The following PCDHGA8 variants were observed in gnomAD, a reference collection of about 807,000 sequenced individuals.
PCDHGA8 encodes protocadherin gamma-A8.
In PCDHGA8, 45 loss-of-function variants were observed where a neutral mutation model predicts 59.2. That is an observed-to-expected ratio of 0.76 (90% CI 0.60 to 0.98). The LOEUF (loss-of-function observed/expected upper bound fraction) is 0.98. Among genes scored for constraint, PCDHGA8 ranks in the 50% least tolerant of loss-of-function variants. PCDHGA8 has a pLI of 0.00. For missense variants in PCDHGA8, 1,257 were observed against 1,196.2 expected (o/e 1.05, Z -0.75); for synonymous variants, 531 against 519.0 (o/e 1.02, Z -0.32).
chr5:141,506,277 T>C (rs905595521), intron 3 of PCDHGA8, among the ~76,000 whole-genome samples: 1 of 152,050 alleles, frequency 6.6e-6, no homozygotes. Flanking sequence ...AGTGAAACCC[T>C]GTCTCTACTA....
intron 1 of PCDHGA8, chr5:141,396,003 T>G (rs749303972): frequency 2.0e-5 from 3 of 152,232 alleles, no homozygotes; most frequent in Admixed American, 6.5e-5. Flanking sequence ...TTTAAACTGT[T>G]GAAAGTGACT....
Position 141,491,930 on chromosome 5 carries a change from G to A in PCDHGA8, c.2425-2877G>A, listed in dbSNP as rs2099735399. On this transcript the variant is annotated intron_variant, in intron 1 of 3. Transcript: ENST00000398604. The surrounding 1 kb of genome is among the most constrained non-coding windows in gnomAD (Gnocchi z 6.9). ...GTGGCGACTGTGGGCGAGGGGAGGT[G>A]GGACCGACCCCCACCCCTACACTCA... 1.6e-6 allele frequency: 2 copies of A among 1,276,580 alleles called. No homozygotes were observed. The highest frequency in any genetic ancestry group is 2.1e-6 in the Non-Finnish European group (2 of 943,112). 79.1% of individuals were successfully genotyped at this position (1,276,580 alleles called of 1,614,324 possible).
chr5:141,403,429 T>C (rs1282528901), intron 1 of PCDHGA8: 2 of 1,614,006 alleles, frequency 1.2e-6, no homozygotes, highest in Non-Finnish European at 1.7e-6. Flanking sequence ...AAGCTATTGA[T>C]CCGGATGTTG....
chr5:141,405,698 G>C (rs1274236930), intron 1 of PCDHGA8, among the ~76,000 whole-genome samples: 1 of 152,128 alleles, frequency 6.6e-6, no homozygotes, highest in Non-Finnish European at 1.5e-5. Flanking sequence ...GGCTGGTCTT[G>C]AATTCCTAAC....
At chr5:141,401,417 G>A (rs1404967672) in intron 1 of PCDHGA8, among the ~76,000 whole-genome samples, 1 of 152,136 alleles carries the variant, frequency 6.6e-6, no homozygotes, top group Non-Finnish European at 1.5e-5. Flanking sequence ...GAAAGAGAGA[G>A]ACTGATTCAC....
chr5:141,447,119 A>AT (rs2098526425), intron 1 of PCDHGA8, among the ~76,000 whole-genome samples: 1 of 150,848 alleles, frequency 6.6e-6, no homozygotes, highest in South Asian at 2.1e-4. Flanking sequence ...TGCTCCATGG[A>AT]TTTTTTTGTT....
chr5:141,394,865 G>T lies in PCDHGA8; in HGVS notation c.2052G>T (p.Pro684=), dbSNP rs2093117021. The T allele has an allele frequency of 6.2e-7, 1 of 1,613,816 alleles. No homozygotes were observed. Among genetic ancestry groups the T allele is most frequent in the Non-Finnish European group, 8.5e-7 (1 of 1,179,900 alleles). The change falls in exon 1 of 4, where the codon CCG becomes CCT. Residue 684 remains proline, a synonymous_variant. Coordinates refer to ENST00000398604, the MANE Select transcript of PCDHGA8 (RefSeq NM_032088.2). ...ELGSLKPSVD[P]NDSSLTLYLV... ...GCAGTCTGAAGCCTTCGGTCGACCC[G>T]AACGATTCGAGCCTTACACTCTATC...
chr5:141,404,592 C>T, intron 1 of PCDHGA8: 1 of 1,614,048 alleles, frequency 6.2e-7, no homozygotes, highest in African/African-American at 1.3e-5. Flanking sequence ...AGCAATGTGT[C>T]ATTGAGACTG....
intron 1 of PCDHGA8, among the ~76,000 whole-genome samples, chr5:141,473,390 A>T (rs554428702): frequency 1.3e-5 from 2 of 152,190 alleles, no homozygotes; most frequent in Non-Finnish European, 2.9e-5. Flanking sequence ...GCCCTCCTGG[A>T]GCTTCTTTTT....
At chr5:141,458,987 C>A (rs2098958554) in intron 1 of PCDHGA8, among the ~76,000 whole-genome samples, 1 of 152,168 alleles carries the variant, frequency 6.6e-6, no homozygotes, top group Non-Finnish European at 1.5e-5. Context: ...CCTGCCTCAC[C>A]CTCCCAAAGT....
At chr5:141,474,847 GC>G (rs1357496937) in intron 1 of PCDHGA8, among the ~76,000 whole-genome samples, 1 of 152,198 alleles carries the variant, frequency 6.6e-6, no homozygotes, top group East Asian at 1.9e-4. Context: ...CACTTTACCT[GC>G]CTTCTTCATT....
In PCDHGA8 at chr5:141,433,028, G is replaced by T. The variant is rs539293579; in HGVS notation, c.2424+37791G>T. 27 of 1,614,116 alleles carry T rather than the reference G, an allele frequency of 1.7e-5. No individual in the cohort carries two copies. The highest frequency in any genetic ancestry group is 6.7e-5 in the Admixed American group (4 of 60,018). On this transcript the variant is annotated intron_variant, in intron 1 of 3. Coordinates refer to ENST00000398604, the MANE Select transcript of PCDHGA8 (RefSeq NM_032088.2). ...TTTCCTGCAGACCTATTCCCACGAG[G>T]TTTCCCTCACCACGGACTCGCGGAA...
rs376721940 is a variant in PCDHGA8, at chr5:141,410,147, G to A, written c.2424+14910G>A. 18 of 1,612,952 alleles carry A rather than the reference G, an allele frequency of 1.1e-5. No homozygotes were observed. The East Asian group carries it at 3.6e-4, about 32-fold the overall frequency. ...GCGCCTGCTGGTCGCTGTGCGTGAC[G>A]GTGGACAGCCGCCACTCTCTGCCAC... On this transcript the variant is annotated intron_variant, in intron 1 of 3. Transcript: ENST00000398604.
chr5:141,464,913 A>AT (rs1366203949), intron 1 of PCDHGA8, among the ~76,000 whole-genome samples: 2 of 151,546 alleles, frequency 1.3e-5, no homozygotes, highest in South Asian at 4.2e-4. Flanking sequence ...TAATTTTTTT[A>AT]TTTTTTTGTA....
Position 141,413,494 on chromosome 5 carries a change from G to T in PCDHGA8, c.2424+18257G>T, listed in dbSNP as rs778441176. On this transcript the variant is annotated intron_variant, in intron 1 of 3. Transcript: ENST00000398604. ...GCTCTGCGCTCAGAGCGCGCGGTGCGTGGTGAGTTTTAATATCCTTGTGGA... is the reference window on the plus strand; with the variant it reads ...GCTCTGCGCTCAGAGCGCGCGGTGCTTGGTGAGTTTTAATATCCTTGTGGA... The T allele has an allele frequency of 5.0e-6, 8 of 1,614,042 alleles. No individual in the cohort carries two copies. The East Asian group carries it at 1.3e-4, about 27-fold the overall frequency.
chr5:141,464,144 A>G (rs1305530394), intron 1 of PCDHGA8, among the ~76,000 whole-genome samples: 1 of 152,030 alleles, frequency 6.6e-6, no homozygotes, highest in South Asian at 2.1e-4. Context: ...GGGCGCCTGT[A>G]GTCCCAGCTA....
Position 141,394,262 on chromosome 5 carries a change from G to A in PCDHGA8, c.1449G>A (p.Glu483=). Residue 483 remains glutamate, a synonymous_variant, in exon 1 of 4, where the codon GAG becomes GAA. Transcript: ENST00000398604. ...SLTAHDPDSQ[E]NAQVTYSVTE... ...CTGCACACGACCCCGACAGCCAGGAGAATGCCCAGGTCACTTACTCTGTGA... is the reference window on the plus strand; with the variant it reads ...CTGCACACGACCCCGACAGCCAGGAAAATGCCCAGGTCACTTACTCTGTGA... 6.2e-7 allele frequency: 1 copy of A among 1,613,952 alleles called. No individual in the cohort carries two copies. The highest frequency in any genetic ancestry group is 8.5e-7 in the Non-Finnish European group (1 of 1,179,878).
rs992592523 is a variant in PCDHGA8 at position 141,432,710 on chromosome 5, C to T, written c.2424+37473C>T. ...CGTAGTGGCCGTCCAGGACCACGGC[C>T]AGCCCCCTCTCTCCGCCACTGTCAC... On this transcript the variant is annotated intron_variant, in intron 1 of 3. Coordinates refer to ENST00000398604, the MANE Select transcript of PCDHGA8 (RefSeq NM_032088.2). This position sits in a 1 kb window ranked among gnomAD's most constrained non-coding sequence, Gnocchi z 6.0. The T allele has an allele frequency of 6.2e-7, 1 of 1,613,884 alleles. No homozygotes were observed.
Position 141,491,722 on chromosome 5 carries a change from CG to C in PCDHGA8, c.2425-3082del. Reference sequence around the variant, plus strand: ...CCAGGTGAGGGGCTCGGCGCCGCCCCGGGCGACCCCTGGGGGCGGCACTGGA... The same window carrying C: ...CCAGGTGAGGGGCTCGGCGCCGCCCCGGCGACCCCTGGGGGCGGCACTGGA... On this transcript the variant is annotated intron_variant, in intron 1 of 3. Transcript: ENST00000398604. The surrounding 1 kb of genome is among the most constrained non-coding windows in gnomAD (Gnocchi z 6.9). The C allele has an allele frequency of 1.2e-6, 2 of 1,607,004 alleles. No homozygotes were observed. Among genetic ancestry groups the C allele is most frequent in the Non-Finnish European group, 1.7e-6 (2 of 1,177,148 alleles).
Sources: allele counts gnomAD v4.1 joint callset (sites outside exome capture counted in the v4.1 genomes callset), GRCh38; gene constraint gnomAD v4.1.1; non-coding constraint Gnocchi (gnomAD v3.1); transcripts MANE v1.5; gene names NCBI Gene and HGNC (gene_info 2026-07-23, HGNC 2026-07-21).